ERC2: variants seen among roughly 807,000 people sequenced by gnomAD.
ERC2 encodes the protein ERC protein 2.
ERC2 carries 42 observed loss-of-function variants against 114.8 expected under a neutral mutation model. That is an observed-to-expected ratio of 0.37 (90% confidence interval 0.29 to 0.47). ERC2 has a LOEUF of 0.47. ERC2 is among the 20% of genes least tolerant of loss of function. ERC2 has a pLI of 0.99. For missense variants in ERC2, 939 were observed against 1,150.7 expected (o/e 0.82, Z 2.66); for synonymous variants, 454 against 425.5 (o/e 1.07, Z -0.82).
intron 7 of ERC2, among the ~76,000 whole-genome samples, chr3:56,076,064 T>A (rs2076954424): frequency 6.6e-6 from 1 of 152,112 alleles, no homozygotes; most frequent in African/African-American, 2.4e-5. Context: ...TATACACCAC[T>A]CCCAGGAGCC....
At chr3:55,678,600 T>C (rs145776303) in intron 17 of ERC2, among the ~76,000 whole-genome samples, 45 of 152,330 alleles carry the variant, frequency 3.0e-4, no homozygotes, top group African/African-American at 1.1e-3. Context: ...CTCTTGAAGT[T>C]AGACTTCAGA....
chr3:55,537,186 G>A (rs1409612423), intron 17 of ERC2, among the ~76,000 whole-genome samples: 1 of 152,120 alleles, frequency 6.6e-6, no homozygotes, highest in African/African-American at 2.4e-5. Flanking sequence ...GGGCTGGCCG[G>A]CCACATTTCC....
At chr3:55,872,861 C>G (rs2062647590) in intron 14 of ERC2, among the ~76,000 whole-genome samples, 1 of 152,164 alleles carries the variant, frequency 6.6e-6, no homozygotes, top group Non-Finnish European at 1.5e-5. Context: ...AGCTGGGCCA[C>G]AGGTCCAAGG....
At chr3:55,690,414 A>G (rs6805592) in intron 16 of ERC2, among the ~76,000 whole-genome samples, 84,449 of 152,060 alleles carry the variant, frequency 0.56, 25,597 homozygotes, top group East Asian at 0.67. Flanking sequence ...CCCCCTCTCA[A>G]TGGGGGAGCT....
intron 14 of ERC2, among the ~76,000 whole-genome samples, chr3:55,803,065 A>G (rs2059364297): frequency 1.3e-5 from 2 of 152,162 alleles, no homozygotes; most frequent in African/African-American, 4.8e-5. Flanking sequence ...AAATATGAGT[A>G]TGGTGGTGAT....
intron 5 of ERC2, among the ~76,000 whole-genome samples, chr3:56,141,367 G>C (rs867099711): frequency 1.3e-5 from 2 of 152,160 alleles, no homozygotes; most frequent in African/African-American, 2.4e-5. Context: ...CCTACAGGGG[G>C]ACTGGCAGCT....
At chr3:55,634,845 G>A (rs906852338) in intron 17 of ERC2, among the ~76,000 whole-genome samples, 5 of 151,754 alleles carry the variant, frequency 3.3e-5, no homozygotes, top group Non-Finnish European at 5.9e-5. Flanking sequence ...CTTTCCCATA[G>A]CACTTCAGAG....
intron 9 of ERC2, among the ~76,000 whole-genome samples, chr3:56,009,210 G>C (rs963057483): frequency 6.6e-6 from 1 of 152,128 alleles, no homozygotes; most frequent in African/African-American, 2.4e-5. Flanking sequence ...CTTGCAACCG[G>C]TGAAGAATGC....
intron 17 of ERC2, among the ~76,000 whole-genome samples, chr3:55,590,579 A>C (rs1795650): frequency 0.96 from 146,641 of 152,278 alleles, 70,784 homozygotes; most frequent in East Asian, 1. Flanking sequence ...AAACTACACG[A>C]ACTGACCTGA....
At chr3:55,955,069 G>C (rs2067845766) in intron 12 of ERC2, 1 of 466,500 alleles carries the variant, frequency 2.1e-6, no homozygotes, top group African/African-American at 2.0e-5. Flanking sequence ...AATACATATA[G>C]TCTGATCTTA....
intron 3 of ERC2, among the ~76,000 whole-genome samples, chr3:56,256,130 T>C (rs1389748645): frequency 6.6e-6 from 1 of 152,206 alleles, no homozygotes; most frequent in African/African-American, 2.4e-5. Flanking sequence ...TTAAACTCTG[T>C]CTGAAAGCTT....
intron 17 of ERC2, among the ~76,000 whole-genome samples, chr3:55,675,385 G>C (rs749857413): frequency 2.1e-4 from 32 of 152,194 alleles, no homozygotes; most frequent in Non-Finnish European, 2.2e-4. Context: ...AGGAATATAT[G>C]GGGGAGGCCT....
At chr3:55,600,522 G>A (rs2058353174) in intron 17 of ERC2, among the ~76,000 whole-genome samples, 1 of 152,166 alleles carries the variant, frequency 6.6e-6, no homozygotes, top group African/African-American at 2.4e-5. Context: ...CACCACTCAA[G>A]TCCCATTTTT....
chr3:56,329,534 A>G (rs1184539295), intron 2 of ERC2, among the ~76,000 whole-genome samples: 2 of 152,130 alleles, frequency 1.3e-5, no homozygotes, highest in Non-Finnish European at 2.9e-5. Flanking sequence ...CTCAAAGGAA[A>G]CTACTTCACC....
intron 17 of ERC2, among the ~76,000 whole-genome samples, chr3:55,667,555 A>G (rs745598848): frequency 2.6e-5 from 4 of 152,186 alleles, no homozygotes; most frequent in Non-Finnish European, 4.4e-5. Context: ...GCTGCAGCTA[A>G]GATTGCCAGC....
chr3:56,223,935 G>A (rs1215126674), intron 3 of ERC2, among the ~76,000 whole-genome samples: 2 of 152,092 alleles, frequency 1.3e-5, no homozygotes, highest in Non-Finnish European at 2.9e-5. Context: ...AACTTCAAGT[G>A]AATAATATGT....
At chr3:55,747,301 G>C (rs565153403) in intron 14 of ERC2, among the ~76,000 whole-genome samples, 2 of 151,918 alleles carry the variant, frequency 1.3e-5, no homozygotes, top group Non-Finnish European at 2.9e-5. Flanking sequence ...GAAGTTTTAG[G>C]TGCCTGTTTT....
chr3:56,166,920 C>A (rs1369391396), intron 4 of ERC2, among the ~76,000 whole-genome samples: 1 of 151,952 alleles, frequency 6.6e-6, no homozygotes, highest in Admixed American at 6.6e-5. Context: ...TTATTTCTTT[C>A]TCTCCACCTT....
chr3:55,960,965 T>C (rs2068318730), intron 12 of ERC2, among the ~76,000 whole-genome samples: 1 of 152,164 alleles, frequency 6.6e-6, no homozygotes, highest in African/African-American at 2.4e-5. Context: ...CAAAACCCCG[T>C]CTCTATTCAA....
Sources: gnomAD v4.1 joint callset for allele counts (sites outside exome capture counted in the v4.1 genomes callset) on GRCh38, gnomAD v4.1.1 for gene constraint, MANE v1.5 for transcripts, NCBI Gene and HGNC (gene_info 2026-07-23, HGNC 2026-07-21) for gene names.